NRXN1: variants seen among roughly 807,000 people sequenced by gnomAD.
The protein encoded by NRXN1 is neurexin-1.
In NRXN1, 39 loss-of-function variants were observed where a neutral mutation model predicts 150.9. That is an observed-to-expected ratio of 0.26 (90% CI 0.20 to 0.34). The LOEUF (loss-of-function observed/expected upper bound fraction) is 0.34, where lower values mean the gene tolerates loss of function less well. NRXN1 is among the 10% of genes least tolerant of loss of function. NRXN1 has a pLI of 1.00. For synonymous variants in NRXN1, 924 were observed against 757.0 expected (o/e 1.22, Z -3.62); for missense variants, 1,815 against 1,949.9 (o/e 0.93, Z 1.30).
At chr2:50,105,715 A>G (rs1378033926) in intron 18 of NRXN1, among the ~76,000 whole-genome samples, 1 of 151,976 alleles carries the variant, frequency 6.6e-6, no homozygotes, top group Non-Finnish European at 1.5e-5. Context: ...TAAACCTAAT[A>G]TTTAAAAAGA....
At chr2:50,176,867 A>T (rs1014598013) in intron 18 of NRXN1, among the ~76,000 whole-genome samples, 2 of 152,084 alleles carry the variant, frequency 1.3e-5, no homozygotes, top group African/African-American at 4.8e-5. Flanking sequence ...TAAGACATAC[A>T]GGTTGCTTTC....
At chr2:50,870,520 C>T (rs1677620173) in intron 5 of NRXN1, among the ~76,000 whole-genome samples, 1 of 151,968 alleles carries the variant, frequency 6.6e-6, no homozygotes, top group Non-Finnish European at 1.5e-5. Context: ...GTCCTAATTA[C>T]AGCTCTGCAT....
At chr2:50,527,282 C>G (rs1273563207) in intron 12 of NRXN1, among the ~76,000 whole-genome samples, 1 of 152,152 alleles carries the variant, frequency 6.6e-6, no homozygotes, top group Non-Finnish European at 1.5e-5. Context: ...TTGCCTGCAT[C>G]TATGCCCCCA....
chr2:50,314,900 G>A (rs1270842814), intron 17 of NRXN1, among the ~76,000 whole-genome samples: 1 of 151,862 alleles, frequency 6.6e-6, no homozygotes, highest in African/African-American at 2.4e-5. Context: ...TTTAAAATGA[G>A]GGTGTTAAAG....
rs111234963 is a variant in NRXN1 at position 50,722,720 on chromosome 2, A to G, written c.833-99105T>C. On this transcript the variant is annotated intron_variant, in intron 5 of 22. Coordinates refer to ENST00000401669, the MANE Select transcript of NRXN1 (RefSeq NM_001330078.2). ...AGAAAAACATTCAATACAGTTTAAA[A>G]CTCAAATCATGTTAACAAAGACTTA... is the stretch of plus-strand genomic sequence containing the variant. Among the ~76,000 whole-genome samples, 344 of 152,296 alleles carry G rather than the reference A, an allele frequency of 2.3e-3. 6 individuals are homozygous for G. The highest frequency in any genetic ancestry group is 7.9e-3 in the African/African-American group (330 of 41,562).
chr2:50,862,270 T>C (rs776927407), intron 5 of NRXN1, among the ~76,000 whole-genome samples: 5 of 151,942 alleles, frequency 3.3e-5, no homozygotes, highest in Non-Finnish European at 7.4e-5. Flanking sequence ...AAGCTAAGCT[T>C]TGCAAGAAAC....
rs918049617 is a variant in NRXN1 at position 50,647,401 on chromosome 2, C to T, written c.833-23786G>A. ...GAGAACATGAAAACTATCTATGGAA[C>T]TGAAAATCAGTGATCAATACATCTA... On this transcript the variant is annotated intron_variant, in intron 5 of 22. Transcript: ENST00000401669. Among the ~76,000 whole-genome samples, 3 of 151,982 alleles carry T rather than the reference C, an allele frequency of 2.0e-5. No homozygotes were observed. The East Asian group carries it at 5.8e-4, about 30-fold the overall frequency.
intron 2 of NRXN1, among the ~76,000 whole-genome samples, chr2:51,010,016 T>A (rs1232458090): frequency 6.6e-6 from 1 of 151,990 alleles, no homozygotes; most frequent in Non-Finnish European, 1.5e-5. Flanking sequence ...TCTGCAAGGT[T>A]ACTGTGGTAT....
At chr2:50,881,457 T>A (rs562635109) in intron 5 of NRXN1, among the ~76,000 whole-genome samples, 5 of 152,086 alleles carry the variant, frequency 3.3e-5, no homozygotes, top group Admixed American at 3.3e-4. Context: ...TGGTTGACAA[T>A]TTCTACTTTT....
At chr2:50,120,640 A>T (rs1703725754) in intron 18 of NRXN1, among the ~76,000 whole-genome samples, 1 of 152,210 alleles carries the variant, frequency 6.6e-6, no homozygotes, top group Non-Finnish European at 1.5e-5. Flanking sequence ...ATTAAAGTAT[A>T]AAAATTAAGT....
At chr2:50,586,475 T>C (rs952634932) in intron 8 of NRXN1, among the ~76,000 whole-genome samples, 1 of 152,166 alleles carries the variant, frequency 6.6e-6, no homozygotes, top group Non-Finnish European at 1.5e-5. Context: ...TTCCCTATTG[T>C]ATACCGACCT....
intron 5 of NRXN1, chr2:50,918,593 G>T (rs926458648): frequency 1.3e-5 from 5 of 373,094 alleles, no homozygotes; most frequent in African/African-American, 4.2e-5. Flanking sequence ...AACATATTTT[G>T]ACTTTTTTGT....
At chr2:50,300,841 G>A (rs758122061) in intron 17 of NRXN1, among the ~76,000 whole-genome samples, 3 of 152,142 alleles carry the variant, frequency 2.0e-5, no homozygotes, top group South Asian at 2.1e-4. Context: ...GATTACAGGC[G>A]CCTGGCACCA....
At chr2:50,723,044 G>A (rs1289361902) in intron 5 of NRXN1, among the ~76,000 whole-genome samples, 2 of 152,038 alleles carry the variant, frequency 1.3e-5, no homozygotes, top group Admixed American at 1.3e-4. Flanking sequence ...TTGTCATTCA[G>A]TTAGTAGATG....
chr2:50,862,719 C>T (rs566550578), intron 5 of NRXN1, among the ~76,000 whole-genome samples: 1 of 152,184 alleles, frequency 6.6e-6, no homozygotes, highest in African/African-American at 2.4e-5. Flanking sequence ...TACATATTTG[C>T]TTTCAATTAC....
At chr2:50,669,823 TAAAA>T (rs909709230) in intron 5 of NRXN1, among the ~76,000 whole-genome samples, 6 of 148,102 alleles carry the variant, frequency 4.1e-5, no homozygotes, top group Non-Finnish European at 7.5e-5. Context: ...AATAAATAAA[TAAAA>T]ATAGAAATAA....
chr2:50,700,425 C>T (rs1693567513), intron 5 of NRXN1, among the ~76,000 whole-genome samples: 1 of 151,856 alleles, frequency 6.6e-6, no homozygotes, highest in African/African-American at 2.4e-5. Context: ...AATGGCAGGG[C>T]CAAAACACAG....
At chr2:50,866,879 G>C (rs1199378585) in intron 5 of NRXN1, among the ~76,000 whole-genome samples, 2 of 151,842 alleles carry the variant, frequency 1.3e-5, no homozygotes, top group African/African-American at 2.4e-5. Flanking sequence ...GGTCTGATGA[G>C]ATGAGCACAG....
In NRXN1 at chr2:50,531,218, G is replaced by C; in HGVS notation, c.2347+9C>G. 4 of 1,609,054 alleles carry C rather than the reference G, an allele frequency of 2.5e-6. No homozygotes were observed. The highest frequency in any genetic ancestry group is 1.1e-5 in the South Asian group (1 of 90,540). On this transcript the variant is annotated intron_variant, in intron 11 of 22. Coordinates refer to ENST00000401669, the MANE Select transcript of NRXN1 (RefSeq NM_001330078.2). The stretch of plus-strand genomic sequence containing the variant: ...AGTGTTAGTTCAATGGGGGAAGGCA[G>C]GTTGTTACCTAGATTGACCGTCAGT...
Sources: gnomAD v4.1 joint callset for allele counts (sites outside exome capture counted in the v4.1 genomes callset) on GRCh38, gnomAD v4.1.1 for gene constraint, MANE v1.5 for transcripts, NCBI Gene and HGNC (gene_info 2026-07-23, HGNC 2026-07-21) for gene names.